POC5: variants seen among roughly 807,000 people sequenced by gnomAD.
The protein encoded by POC5 is centrosomal protein POC5.
Under a neutral mutation model 62.9 loss-of-function variants are expected in POC5, and 48 were observed. That is an observed-to-expected ratio of 0.76 (90% confidence interval 0.61 to 0.97). The LOEUF (loss-of-function observed/expected upper bound fraction) is 0.97. Among genes scored for constraint, POC5 ranks in the 50% least tolerant of loss-of-function variants. POC5 has a pLI of 0.00. For synonymous variants in POC5, 236 were observed against 228.2 expected (o/e 1.03, Z -0.31); for missense variants, 696 against 679.5 (o/e 1.02, Z -0.27).
At chr5:75,677,590 T>C (rs1354840912) in intron 11 of POC5, 184 bp downstream of exon 11, 9 of 362,524 alleles carry the variant, frequency 2.5e-5, no homozygotes, top group Non-Finnish European at 4.3e-5. Flanking sequence ...CGTAGATTTA[T>C]AGCAGGTTTG....
rs1251170797 is a variant in POC5, at chr5:75,700,256, A to G, written c.513+2349T>C. 1.4e-3 allele frequency among the ~76,000 whole-genome samples: 212 copies of G among 151,882 alleles called. 5 individuals carry two copies. The East Asian group carries it at 0.033, about 23-fold the overall frequency. On this transcript the variant is annotated intron_variant, in intron 5 of 11. Coordinates refer to ENST00000428202, the MANE Select transcript of POC5 (RefSeq NM_001099271.2). Reference sequence around the variant, plus strand: ...ATGGAACCAAAAAAGAGCCCGCATCACCAAGTCAATCCTGAGCCAAAAGAA... The same window carrying G: ...ATGGAACCAAAAAAGAGCCCGCATCGCCAAGTCAATCCTGAGCCAAAAGAA...
At chr5:75,697,143 T>A (rs1475696100) in intron 5 of POC5, among the ~76,000 whole-genome samples, 5 of 152,108 alleles carry the variant, frequency 3.3e-5, no homozygotes, top group Admixed American at 2.0e-4. Flanking sequence ...AGGATATTAA[T>A]CCAGGAGAAC....
chr5:75,707,898 A>G, intron 2 of POC5, 23 bp from the exon 3 acceptor site: 1 of 1,545,760 alleles, frequency 6.5e-7, no homozygotes, highest in Non-Finnish European at 8.8e-7. Context: ...AATAATCAAT[A>G]ATGTAGTGTA....
intron 5 of POC5, among the ~76,000 whole-genome samples, chr5:75,696,985 C>T (rs1246649746): frequency 6.6e-6 from 1 of 151,836 alleles, no homozygotes; most frequent in Admixed American, 6.6e-5. Flanking sequence ...TGAAATGAAG[C>T]AAGAAGGGAA....
At chr5:75,695,734 C>T (rs1334562776) in intron 5 of POC5, among the ~76,000 whole-genome samples, 1 of 152,088 alleles carries the variant, frequency 6.6e-6, no homozygotes, top group East Asian at 1.9e-4. Context: ...AGGAACAGCT[C>T]CAGTCTACAG....
intron 2 of POC5, among the ~76,000 whole-genome samples, chr5:75,710,352 T>C (rs1777292247): frequency 6.6e-6 from 1 of 152,186 alleles, no homozygotes; most frequent in Non-Finnish European, 1.5e-5. Context: ...AGTCTGAATG[T>C]TTGTGTCCCC....
At chr5:75,677,208 A>C (rs1335341144) in intron 11 of POC5, among the ~76,000 whole-genome samples, 8 of 152,242 alleles carry the variant, frequency 5.3e-5, no homozygotes, top group African/African-American at 1.9e-4. Flanking sequence ...GCAAAGCTGA[A>C]GCACTAACTC....
intron 4 of POC5, 104 bp downstream of exon 4, chr5:75,705,600 C>T (rs575005819): frequency 3.0e-6 from 2 of 657,748 alleles, no homozygotes; most frequent in African/African-American, 3.7e-5. Flanking sequence ...TAAAATCCTG[C>T]TAATAAATAA....
intron 4 of POC5, among the ~76,000 whole-genome samples, chr5:75,703,874 G>A (rs1777008374): frequency 6.6e-6 from 1 of 151,946 alleles, no homozygotes; most frequent in Admixed American, 6.6e-5. Context: ...AGCACTGAAA[G>A]GCTGGGCACG....
intron 6 of POC5, among the ~76,000 whole-genome samples, chr5:75,692,990 T>C (rs1215279042): frequency 6.7e-6 from 1 of 148,638 alleles, no homozygotes; most frequent in Non-Finnish European, 1.5e-5. Flanking sequence ...AATAGTTATA[T>C]ATGTAACTAT....
At chr5:75,677,066 T>G (rs1775696451) in intron 11 of POC5, among the ~76,000 whole-genome samples, 1 of 152,180 alleles carries the variant, frequency 6.6e-6, no homozygotes, top group Non-Finnish European at 1.5e-5. Flanking sequence ...AATTTTCACA[T>G]TATCTCATTT....
intron 2 of POC5, chr5:75,712,547 A>G: frequency 8.4e-7 from 1 of 1,193,448 alleles, no homozygotes; most frequent in Non-Finnish European, 1.2e-6. Context: ...AGCATTCATG[A>G]GAGGTAGCTA....
At chr5:75,714,178 G>A (rs1024099876) in intron 1 of POC5, among the ~76,000 whole-genome samples, 3 of 152,148 alleles carry the variant, frequency 2.0e-5, no homozygotes, top group Non-Finnish European at 2.9e-5. Context: ...TCAGGAGTTT[G>A]AGACCAGCCT....
chr5:75,685,889 C>T (rs992701982), intron 9 of POC5, among the ~76,000 whole-genome samples: 3 of 152,104 alleles, frequency 2.0e-5, no homozygotes, highest in Non-Finnish European at 4.4e-5. Context: ...GCCAAAATGA[C>T]CTGCAATCAA....
intron 1 of POC5, among the ~76,000 whole-genome samples, chr5:75,713,595 T>A (rs927084806): frequency 6.6e-6 from 1 of 152,190 alleles, no homozygotes; most frequent in Non-Finnish European, 1.5e-5. Flanking sequence ...GTATATTATA[T>A]AAGTGACCGA....
At position 75,694,932 on chromosome 5, in the gene POC5, T is replaced by C. The variant is rs181403361; in HGVS notation, c.514-101A>G. The C allele has an allele frequency of 1.6e-3, 1,384 of 853,452 alleles. 3 individuals carry two copies. The highest frequency in any genetic ancestry group is 2.2e-3 in the Non-Finnish European group (1,277 of 574,442). The allele number at this position is 853,452 out of a possible 1,614,324, so 52.9% of individuals were successfully genotyped here. ...AACATTAAAAAAATCAGAACAAGCATCAACACAAAAGTCATTAAAACAATT... is the reference window on the plus strand; with the variant it reads ...AACATTAAAAAAATCAGAACAAGCACCAACACAAAAGTCATTAAAACAATT... On this transcript the variant is annotated intron_variant, in intron 5 of 11. Transcript: ENST00000428202.
At chr5:75,713,366 A>G (rs1777427371) in intron 1 of POC5, among the ~76,000 whole-genome samples, 1 of 152,276 alleles carries the variant, frequency 6.6e-6, no homozygotes, top group Non-Finnish European at 1.5e-5. Context: ...GAGCTTATAC[A>G]GAACAACAGA....
At chr5:75,709,640 T>C (rs1225046494) in intron 2 of POC5, 2 of 152,200 alleles carry the variant, frequency 1.3e-5, no homozygotes, top group African/African-American at 2.4e-5. Flanking sequence ...ACTATGATTA[T>C]TTAAATAGAT....
In POC5 at chr5:75,685,307, G is replaced by A. The variant is rs762882160; in HGVS notation, c.1307C>T (p.Ala436Val). 1 of 1,613,948 alleles carries A rather than the reference G, an allele frequency of 6.2e-7. No individual in the cohort carries two copies. The highest frequency in any genetic ancestry group is 1.3e-5 in the African/African-American group (1 of 74,932). The change falls in exon 10 of 12, where the codon GCT becomes GTT. Residue 436 changes from alanine (A) to valine (V), a missense_variant. By Grantham distance (64) the Ala-to-Val change is moderately conservative. Transcript: ENST00000428202. The stretch of plus-strand genomic sequence containing the variant: ...AGCAGCCCTGGTAGAAGTCATCGAA[G>A]CAGCTGAGGGAACGGCAGTCGCGCT... ...GASATAVPSA[A>V]SMTSTRAASA...
Sources: allele counts gnomAD v4.1 joint callset (sites outside exome capture counted in the v4.1 genomes callset), GRCh38; gene constraint gnomAD v4.1.1; transcripts MANE v1.5; gene names NCBI Gene and HGNC (gene_info 2026-07-23, HGNC 2026-07-21).